TNS3: variants seen among roughly 807,000 people sequenced by gnomAD.
TNS3 encodes tensin 3.
TNS3 carries 45 observed loss-of-function variants against 140.9 expected under a neutral mutation model. The observed-to-expected ratio is 0.32, with a 90% CI of 0.25 to 0.41. The LOEUF (loss-of-function observed/expected upper bound fraction) is 0.41, where lower values mean the gene tolerates loss of function less well. Among genes scored for constraint, TNS3 ranks in the 10% least tolerant of loss-of-function variants. TNS3 has a pLI of 1.00. For synonymous variants in TNS3, 815 were observed against 788.4 expected (o/e 1.03, Z -0.56); for missense variants, 1,716 against 1,906.7 (o/e 0.90, Z 1.86).
chr7:47,400,668 C>T, intron 14 of TNS3, 117 bp downstream of exon 14: 1 of 1,507,352 alleles, frequency 6.6e-7, no homozygotes. Context: ...ACTTTGGGAA[C>T]AATTTTGTCA....
intron 2 of TNS3, among the ~76,000 whole-genome samples, chr7:47,521,857 G>T (rs761763096): frequency 6.6e-6 from 1 of 152,138 alleles, no homozygotes; most frequent in Non-Finnish European, 1.5e-5. Flanking sequence ...TCCCAGAGCC[G>T]TTCTCTGAGT....
chr7:47,402,868 G>A (rs1260407880), intron 13 of TNS3, among the ~76,000 whole-genome samples: 3 of 152,188 alleles, frequency 2.0e-5, no homozygotes, highest in African/African-American at 7.2e-5. Context: ...GGGAACCAGA[G>A]ATTTAAAAAA....
chr7:47,306,598 G>A (rs931817793), intron 20 of TNS3, among the ~76,000 whole-genome samples: 6 of 150,730 alleles, frequency 4.0e-5, no homozygotes, highest in Non-Finnish European at 7.4e-5. Context: ...TTTTGGAGAC[G>A]GAGTCTCGCT....
intron 30 of TNS3, chr7:47,279,702 CAA>C (rs60620426): frequency 1.3e-3 from 188 of 141,552 alleles, no homozygotes; most frequent in South Asian, 4.1e-3. Context: ...AACTCTGTCT[CAA>C]AAAAAAAAAA....
At chr7:47,489,955 C>T (rs1025110004) in intron 3 of TNS3, among the ~76,000 whole-genome samples, 1 of 152,216 alleles carries the variant, frequency 6.6e-6, no homozygotes, top group Admixed American at 6.5e-5. Context: ...AAGGCCAACA[C>T]TTACCACAGT....
intron 16 of TNS3, among the ~76,000 whole-genome samples, chr7:47,378,865 C>A (rs1471161519): frequency 6.6e-6 from 1 of 152,220 alleles, no homozygotes; most frequent in African/African-American, 2.4e-5. Flanking sequence ...GCTAGGTCAA[C>A]TGACACATGA....
intron 1 of TNS3, among the ~76,000 whole-genome samples, chr7:47,544,837 A>G (rs887674940): frequency 3.3e-5 from 5 of 152,002 alleles, no homozygotes; most frequent in African/African-American, 1.2e-4. Flanking sequence ...AACATAGGAA[A>G]CTGTCTAGTT....
intron 16 of TNS3, 23 bp from the exon 17 acceptor site, chr7:47,369,644 G>C: frequency 6.5e-7 from 1 of 1,530,060 alleles, no homozygotes; most frequent in Non-Finnish European, 8.8e-7. Context: ...AAACCGGAGA[G>C]AGGCTTTCAG....
intron 13 of TNS3, 134 bp from the exon 14 acceptor site, chr7:47,401,048 G>A: frequency 7.5e-7 from 1 of 1,338,882 alleles, no homozygotes; most frequent in Non-Finnish European, 1.0e-6. Flanking sequence ...ACGCTTTGGA[G>A]TGGAACTTCA....
chr7:47,346,363 A>C lies in TNS3; in HGVS notation c.2282-7T>G, dbSNP rs199892121. The C allele has an allele frequency of 5.3e-5, 85 of 1,613,616 alleles. 1 individual carries two copies. The highest frequency in any genetic ancestry group is 5.1e-6 in the Non-Finnish European group (6 of 1,179,798). The stretch of plus-strand genomic sequence containing the variant: ...GGCTGTTCAGCAGAGGAGCCTGTTA[A>C]AAGGGAGACAAGCAGGCTGCAGGGC... On this transcript the variant is annotated splice_polypyrimidine_tract_variant and splice_region_variant and intron_variant, in intron 17 of 30. Transcript: ENST00000311160.
chr7:47,324,308 C>T (rs1009131360), intron 20 of TNS3, among the ~76,000 whole-genome samples: 2 of 152,192 alleles, frequency 1.3e-5, no homozygotes, highest in African/African-American at 4.8e-5. Context: ...TTTGAATCAG[C>T]TTATCAAGTT....
chr7:47,435,851 G>A (rs554306932), intron 7 of TNS3, among the ~76,000 whole-genome samples: 2 of 152,188 alleles, frequency 1.3e-5, no homozygotes, highest in East Asian at 3.8e-4. Flanking sequence ...CTCCTGGAAA[G>A]GCAGCACTTA....
At chr7:47,280,407 G>A (rs1258194573) in intron 28 of TNS3, 53 bp from the exon 29 acceptor site, 2 of 1,544,116 alleles carry the variant, frequency 1.3e-6, no homozygotes, top group Non-Finnish European at 1.8e-6. Context: ...GCTTTTGGGT[G>A]ATGGGGGATG....
chr7:47,574,297 A>G (rs1243960626), intron 1 of TNS3, among the ~76,000 whole-genome samples: 2 of 152,082 alleles, frequency 1.3e-5, no homozygotes, highest in Non-Finnish European at 2.9e-5. Context: ...TTAATCACAG[A>G]GTTTACACAA....
chr7:47,358,718 G>A (rs1790148216), intron 17 of TNS3, among the ~76,000 whole-genome samples: 1 of 152,208 alleles, frequency 6.6e-6, no homozygotes, highest in Admixed American at 6.5e-5. Context: ...ACAATGCAGT[G>A]GACATGTGGC....
chr7:47,576,063 CA>C (rs1800668665), intron 1 of TNS3, among the ~76,000 whole-genome samples: 1 of 152,118 alleles, frequency 6.6e-6, no homozygotes, highest in African/African-American at 2.4e-5. Context: ...CCAGAGGAGA[CA>C]AACTGGAAAC....
chr7:47,340,105 A>G (rs1788887776), intron 20 of TNS3, among the ~76,000 whole-genome samples: 1 of 33,762 alleles, frequency 3.0e-5, no homozygotes, highest in Non-Finnish European at 6.7e-5. Flanking sequence ...ATATATATAT[A>G]TATATATATA....
At position 47,369,418 on chromosome 7, in the gene TNS3, C is replaced by T. The variant is rs1051570050; in HGVS notation, c.1228G>A (p.Ala410Thr). 1.2e-6 allele frequency: 2 copies of T among 1,614,036 alleles called. No individual in the cohort carries two copies. The highest frequency in any genetic ancestry group is 1.7e-6 in the Non-Finnish European group (2 of 1,180,032). Residue 410 changes from alanine to threonine, a missense_variant, in exon 17 of 31, where the codon GCC (alanine) becomes ACC (threonine). Transcript: ENST00000311160. Reference sequence around the variant, plus strand: ...CTCAGGCCCCTCCTGGTTCCTGGGGCCAGGCGCTCTTCCGTCTTATCCGTC... The same window carrying T: ...CTCAGGCCCCTCCTGGTTCCTGGGGTCAGGCGCTCTTCCGTCTTATCCGTC... ...ARTDKTEERL[A>T]PGTRRGLSAQ...
chr7:47,447,838 C>G (rs570841102), intron 4 of TNS3, among the ~76,000 whole-genome samples: 1 of 152,352 alleles, frequency 6.6e-6, no homozygotes, highest in South Asian at 2.1e-4. Flanking sequence ...GATGCTCGCT[C>G]TAGTATCTCT....
Sources: gnomAD v4.1 joint callset for allele counts (sites outside exome capture counted in the v4.1 genomes callset) on GRCh38, gnomAD v4.1.1 for gene constraint, MANE v1.5 for transcripts, NCBI Gene and HGNC (gene_info 2026-07-23, HGNC 2026-07-21) for gene names.